CDH2: variants seen among roughly 807,000 people sequenced by gnomAD.
The protein encoded by CDH2 is cadherin 2.
A neutral mutation model predicts 92.0 loss-of-function variants in CDH2; 17 were observed. That is an observed-to-expected ratio of 0.18 (90% confidence interval 0.13 to 0.28). The LOEUF is 0.28. Among genes scored for constraint, CDH2 ranks in the 10% least tolerant of loss-of-function variants. CDH2 has a pLI of 1.00. For synonymous variants in CDH2, 419 were observed against 415.9 expected, an observed-to-expected ratio of 1.01 and a Z score of -0.09; for missense variants, 862 against 1,133.1, an observed-to-expected ratio of 0.76 and a Z score of 3.44.
intron 2 of CDH2, among the ~76,000 whole-genome samples, chr18:28,053,232 A>T (rs1293470935): frequency 1.3e-5 from 2 of 152,192 alleles, no homozygotes; most frequent in African/African-American, 4.8e-5. Context: ...GTAATTGTAG[A>T]GTTTGAAAAT....
intron 5 of CDH2, 42 bp downstream of exon 5, chr18:28,009,675 G>C (rs201792869): frequency 1.3e-6 from 2 of 1,589,976 alleles, no homozygotes; most frequent in Admixed American, 3.4e-5. Flanking sequence ...CAGACATTTA[G>C]AACTGTTAAT....
At chr18:27,957,196 C>A (rs1372683765) in intron 15 of CDH2, among the ~76,000 whole-genome samples, 1 of 151,706 alleles carries the variant, frequency 6.6e-6, no homozygotes, top group African/African-American at 2.4e-5. Context: ...GATCTTTTTT[C>A]CCCAACCATG....
At chr18:28,035,337 C>T (rs930580526) in intron 2 of CDH2, among the ~76,000 whole-genome samples, 2 of 151,994 alleles carry the variant, frequency 1.3e-5, no homozygotes, top group East Asian at 1.9e-4. Context: ...GCACATACTA[C>T]CTTTTGATAA....
At chr18:27,988,418 T>G in intron 11 of CDH2, 106 bp downstream of exon 11, 1 of 919,124 alleles carries the variant, frequency 1.1e-6, no homozygotes, top group Non-Finnish European at 1.7e-6. Flanking sequence ...ATTATAAAAG[T>G]CAGTTTTCCA....
chr18:28,096,227 T>G (rs2015132466), intron 2 of CDH2, among the ~76,000 whole-genome samples: 1 of 152,176 alleles, frequency 6.6e-6, no homozygotes, highest in East Asian at 1.9e-4. Flanking sequence ...TGACCTTTAC[T>G]GTGACAAAGG....
At chr18:28,142,490 GA>G (rs66679923) in intron 2 of CDH2, among the ~76,000 whole-genome samples, 161 of 138,652 alleles carry the variant, frequency 1.2e-3, no homozygotes, top group East Asian at 1.5e-3. Flanking sequence ...GATTGAAATA[GA>G]AAAAAAAAAA....
intron 2 of CDH2, among the ~76,000 whole-genome samples, chr18:28,036,146 G>C (rs1235314513): frequency 6.6e-6 from 1 of 152,118 alleles, no homozygotes; most frequent in East Asian, 1.9e-4. Context: ...TTATCAGCTA[G>C]ATTTGAAAAT....
intron 5 of CDH2, among the ~76,000 whole-genome samples, chr18:28,008,565 G>A (rs2013007073): frequency 6.6e-6 from 1 of 152,030 alleles, no homozygotes; most frequent in Admixed American, 6.6e-5. Flanking sequence ...TAGACACAGG[G>A]TGGAGAACAT....
At position 27,985,010 on chromosome 18, in the gene CDH2, G is replaced by C. The variant is rs765163872; in HGVS notation, c.2199C>G (p.Ile733Met). ...GAIIAILLCI[I>M]ILLILVLMFV... ...AATAAAAGTACTCACTAAGCAGGAT[G>C]ATGATGCAGAGCAGGATGGCAATGA... The change falls in exon 13 of 16, where the codon ATC becomes ATG. Residue 733 changes from isoleucine to methionine, a missense_variant. By Grantham distance (10) the Ile-to-Met change is conservative. Transcript: ENST00000269141. The C allele has an allele frequency of 6.2e-7, 1 of 1,611,786 alleles. No homozygotes were observed. The highest frequency in any genetic ancestry group is 8.5e-7 in the Non-Finnish European group (1 of 1,177,858).
intron 2 of CDH2, among the ~76,000 whole-genome samples, chr18:28,106,045 A>T (rs931043353): frequency 6.6e-6 from 1 of 152,242 alleles, no homozygotes; most frequent in African/African-American, 2.4e-5. Context: ...TTCTCTGCTC[A>T]GGCAGTTAAT....
intron 6 of CDH2, among the ~76,000 whole-genome samples, chr18:27,934,449 T>C (rs1251352633): frequency 6.6e-6 from 1 of 152,240 alleles, no homozygotes; most frequent in African/African-American, 2.4e-5. Context: ...GTTTATTGTC[T>C]CTTTGATACT....
intron 2 of CDH2, among the ~76,000 whole-genome samples, chr18:28,092,281 A>T (rs1291414810): frequency 6.6e-6 from 1 of 152,150 alleles, no homozygotes; most frequent in Non-Finnish European, 1.5e-5. Flanking sequence ...AAGGCAGAGA[A>T]ATTACTGACC....
At chr18:28,131,022 G>A (rs1337183204) in intron 2 of CDH2, among the ~76,000 whole-genome samples, 2 of 151,860 alleles carry the variant, frequency 1.3e-5, no homozygotes, top group Non-Finnish European at 2.9e-5. Flanking sequence ...CCATTTCCTC[G>A]GCTAACCAGA....
chr18:27,941,095 G>A (rs1909127231), intron 6 of CDH2, among the ~76,000 whole-genome samples: 2 of 149,310 alleles, frequency 1.3e-5, no homozygotes, highest in South Asian at 4.3e-4. Flanking sequence ...GAGTGCAGTG[G>A]TGCTGTCTTG....
At chr18:28,143,072 T>C (rs922331502) in intron 2 of CDH2, among the ~76,000 whole-genome samples, 2 of 152,050 alleles carry the variant, frequency 1.3e-5, no homozygotes, top group Non-Finnish European at 2.9e-5. Context: ...TCAAATTCCA[T>C]CTAGTTGAAA....
chr18:28,136,650 A>G (rs1598499981), intron 2 of CDH2, among the ~76,000 whole-genome samples: 1 of 152,354 alleles, frequency 6.6e-6, no homozygotes, highest in South Asian at 2.1e-4. Flanking sequence ...TCTATATAAA[A>G]GACAAGAAAG....
chr18:28,095,467 T>G (rs2144221171), intron 2 of CDH2, among the ~76,000 whole-genome samples: 1 of 151,692 alleles, frequency 6.6e-6, no homozygotes, highest in African/African-American at 2.4e-5. Flanking sequence ...AGAATCTAAC[T>G]ACAGGGTTCC....
chr18:28,126,440 T>C (rs916259475), intron 2 of CDH2, among the ~76,000 whole-genome samples: 2 of 152,226 alleles, frequency 1.3e-5, no homozygotes, highest in Non-Finnish European at 2.9e-5. Flanking sequence ...CCCTAGCTTT[T>C]CTCAATCTGT....
At chr18:28,142,705 T>C (rs760907943) in intron 2 of CDH2, among the ~76,000 whole-genome samples, 4 of 152,088 alleles carry the variant, frequency 2.6e-5, no homozygotes, top group Admixed American at 2.0e-4. Context: ...CCACAATCAG[T>C]TGGAAATCGT....
Sources: allele counts gnomAD v4.1 joint callset (sites outside exome capture counted in the v4.1 genomes callset), GRCh38; gene constraint gnomAD v4.1.1; transcripts MANE v1.5; gene names NCBI Gene and HGNC (gene_info 2026-07-23, HGNC 2026-07-21).